The following PTPRD variants were observed in gnomAD, a reference collection of about 807,000 sequenced individuals.
The protein encoded by PTPRD is protein tyrosine phosphatase receptor type D, also known as receptor-type tyrosine-protein phosphatase delta.
In PTPRD, 34 loss-of-function variants were observed where a neutral mutation model predicts 214.5. That is an observed-to-expected ratio of 0.16 (90% CI 0.12 to 0.21). The LOEUF (loss-of-function observed/expected upper bound fraction) is 0.21. Among genes scored for constraint, PTPRD ranks in the 10% least tolerant of loss-of-function variants. The pLI is 1.00. For synonymous variants in PTPRD, 1,128 were observed against 845.7 expected (o/e 1.33, Z -5.79); for missense variants, 2,545 against 2,398.7 (o/e 1.06, Z -1.27).
chr9:8,498,848 T>G (rs893258755), intron 25 of PTPRD, among the ~76,000 whole-genome samples: 3 of 152,114 alleles, frequency 2.0e-5, no homozygotes, highest in Admixed American at 2.0e-4. Flanking sequence ...TATGTAAAAC[T>G]CAAGCGAATT....
chr9:9,854,716 T>C (rs902184584), intron 5 of PTPRD, among the ~76,000 whole-genome samples: 1 of 152,088 alleles, frequency 6.6e-6, no homozygotes, highest in Non-Finnish European at 1.5e-5. Context: ...TTAAATCCCT[T>C]TCAACTTCAT....
chr9:10,036,906 A>G (rs1216143727), intron 3 of PTPRD, among the ~76,000 whole-genome samples: 1 of 96,236 alleles, frequency 1.0e-5, no homozygotes, highest in African/African-American at 4.4e-5. Context: ...ATTTATTTAG[A>G]TAGCACCTCA....
intron 7 of PTPRD, among the ~76,000 whole-genome samples, chr9:9,696,264 A>G (rs2097371944): frequency 6.6e-6 from 1 of 152,156 alleles, no homozygotes; most frequent in South Asian, 2.1e-4. Flanking sequence ...TATAAGAAAA[A>G]TGTGTATTCT....
intron 5 of PTPRD, among the ~76,000 whole-genome samples, chr9:9,796,425 G>A (rs1453948084): frequency 6.6e-6 from 1 of 152,126 alleles, no homozygotes; most frequent in Non-Finnish European, 1.5e-5. Flanking sequence ...TCCGGGAGGA[G>A]GTTGAAATGA....
chr9:8,658,349 T>C (rs1055611363), intron 12 of PTPRD, among the ~76,000 whole-genome samples: 1 of 152,198 alleles, frequency 6.6e-6, no homozygotes, highest in African/African-American at 2.4e-5. Context: ...ACAAGTGCTA[T>C]ATGAGAACCA....
intron 39 of PTPRD, among the ~76,000 whole-genome samples, chr9:8,373,646 TG>T: frequency 7.2e-6 from 1 of 139,764 alleles, no homozygotes; most frequent in Non-Finnish European, 1.6e-5. Flanking sequence ...TGTGTGTGTG[TG>T]TGTGTGTGTA....
intron 9 of PTPRD, among the ~76,000 whole-genome samples, chr9:9,270,880 G>A (rs886881235): frequency 4.0e-5 from 6 of 151,264 alleles, no homozygotes; most frequent in African/African-American, 1.5e-4. Flanking sequence ...AATAGATATC[G>A]GGGGGTGTAG....
intron 32 of PTPRD, among the ~76,000 whole-genome samples, chr9:8,461,646 T>G (rs1330640979): frequency 6.6e-6 from 1 of 151,810 alleles, no homozygotes; most frequent in Non-Finnish European, 1.5e-5. Flanking sequence ...TTGCCTTTAT[T>G]TACTCTTTAC....
At chr9:8,566,122 G>GTGTGTGTA (rs1279186797) in intron 14 of PTPRD, among the ~76,000 whole-genome samples, 1 of 151,498 alleles carries the variant, frequency 6.6e-6, no homozygotes, top group Non-Finnish European at 1.5e-5. Context: ...GTGTGTGTGT[G>GTGTGTGTA]TGTGTGTGTG....
intron 4 of PTPRD, among the ~76,000 whole-genome samples, chr9:9,940,123 C>G (rs544074181): frequency 6.6e-6 from 1 of 152,082 alleles, no homozygotes; most frequent in Non-Finnish European, 1.5e-5. Flanking sequence ...GGAGTTGATA[C>G]CATCTCTAGA....
intron 3 of PTPRD, among the ~76,000 whole-genome samples, chr9:10,088,830 A>G (rs757486720): frequency 2.0e-5 from 3 of 151,696 alleles, no homozygotes; most frequent in Non-Finnish European, 2.9e-5. Context: ...CTATGAATGG[A>G]TATCGTATTT....
At chr9:9,786,468 T>C (rs955969833) in intron 5 of PTPRD, among the ~76,000 whole-genome samples, 6 of 152,182 alleles carry the variant, frequency 3.9e-5, no homozygotes, top group African/African-American at 4.8e-5. Flanking sequence ...AATTACCACA[T>C]AATCAGCATT....
chr9:10,530,345 T>C (rs1024129170), intron 2 of PTPRD, among the ~76,000 whole-genome samples: 1 of 152,108 alleles, frequency 6.6e-6, no homozygotes, highest in Non-Finnish European at 1.5e-5. Flanking sequence ...AAATCTAAAA[T>C]GATTATAATT....
At chr9:10,389,151 T>C (rs2097997385) in intron 2 of PTPRD, among the ~76,000 whole-genome samples, 1 of 151,836 alleles carries the variant, frequency 6.6e-6, no homozygotes, top group Non-Finnish European at 1.5e-5. Context: ...TCAGCAGCTG[T>C]TATGTGTACA....
intron 39 of PTPRD, among the ~76,000 whole-genome samples, chr9:8,344,719 C>G (rs1855884679): frequency 1.3e-5 from 2 of 152,074 alleles, no homozygotes; most frequent in Admixed American, 1.3e-4. Flanking sequence ...TCGCTTGAAG[C>G]AAGACCTTGA....
rs537214208 is a variant in PTPRD at position 9,031,598 on chromosome 9, T to A, written c.-142-12863A>T. ...GAGAAAATTTTCAGCTCTATTATAA[T>A]CTTAAGGGACCACCAATAAATACGT... On this transcript the variant is annotated intron_variant, in intron 10 of 45. Coordinates refer to ENST00000381196, the MANE Select transcript of PTPRD (RefSeq NM_002839.4). Among the ~76,000 whole-genome samples, 88 of 152,146 alleles carry A rather than the reference T, an allele frequency of 5.8e-4. 1 individual carries two copies. Among genetic ancestry groups the A allele is most frequent in the Non-Finnish European group, 2.9e-5 (2 of 67,992 alleles).
intron 8 of PTPRD, among the ~76,000 whole-genome samples, chr9:9,489,325 C>T (rs2095800833): frequency 6.6e-6 from 1 of 152,124 alleles, no homozygotes; most frequent in Non-Finnish European, 1.5e-5. Flanking sequence ...TCCATAGTTA[C>T]TACATTATTA....
At chr9:10,046,975 G>A (rs1036046614) in intron 3 of PTPRD, among the ~76,000 whole-genome samples, 1 of 151,774 alleles carries the variant, frequency 6.6e-6, no homozygotes, top group African/African-American at 2.4e-5. Context: ...GATCAAATAT[G>A]CATGGAAATT....
chr9:9,873,146 C>T (rs532426236), intron 5 of PTPRD, among the ~76,000 whole-genome samples: 1 of 152,040 alleles, frequency 6.6e-6, no homozygotes, highest in East Asian at 1.9e-4. Flanking sequence ...AAGGAAGATC[C>T]GACGAAGAAA....
Sources: gnomAD v4.1 joint callset for allele counts (sites outside exome capture counted in the v4.1 genomes callset) on GRCh38, gnomAD v4.1.1 for gene constraint, MANE v1.5 for transcripts, NCBI Gene and HGNC (gene_info 2026-07-23, HGNC 2026-07-21) for gene names.